GABRA3: variants seen among roughly 807,000 people sequenced by gnomAD.
GABRA3 encodes gamma-aminobutyric acid type A receptor subunit alpha3.
Under a neutral mutation model 30.1 loss-of-function variants are expected in GABRA3, and 10 were observed. The ratio of observed to expected loss-of-function variants is 0.33; its 90% CI spans 0.20 to 0.56. The LOEUF (loss-of-function observed/expected upper bound fraction) is 0.56. Ranked by LOEUF, GABRA3 falls within the 20% of genes least tolerant of loss-of-function variation. GABRA3 has a pLI of 0.89. For synonymous variants in GABRA3, 151 were observed against 146.8 expected (o/e 1.03, Z -0.21); for missense variants, 233 against 392.0 (o/e 0.59, Z 3.42).
intron 7 of GABRA3, among the ~76,000 whole-genome samples, chrX:152,198,618 C>G (rs1253993759): frequency 1.8e-5 from 2 of 112,001 alleles, no homozygotes; most frequent in African/African-American, 3.3e-5. Context: ...CACAGACCCT[C>G]TAGGCCATGA....
chrX:152,225,432 G>GCACGCACACACA (rs1937929989), intron 5 of GABRA3, among the ~76,000 whole-genome samples: 1 of 96,491 alleles, frequency 1.0e-5, no homozygotes, highest in African/African-American at 3.8e-5. Context: ...ACACACACAC[G>GCACGCACACACA]CACACACACA....
chrX:152,263,109 A>C (rs897449117), intron 4 of GABRA3, among the ~76,000 whole-genome samples: 12 of 111,063 alleles, frequency 1.1e-4, no homozygotes, highest in African/African-American at 3.9e-4. Context: ...ACAGCATGAG[A>C]GTAAGCACCC....
At chrX:152,328,929 A>G (rs764443325) in intron 3 of GABRA3, among the ~76,000 whole-genome samples, 1 of 112,028 alleles carries the variant, frequency 8.9e-6, no homozygotes, top group South Asian at 3.7e-4. Flanking sequence ...TGCAGATGAC[A>G]TGATTGTATA....
rs1936953728 is a variant in GABRA3 at position 152,167,719 on chromosome X, C to T, written c.*509G>A. 1 of 116,553 alleles carries T rather than the reference C, an allele frequency of 8.6e-6. No individual in the cohort carries two copies. The allele number at this position is 116,553 out of a possible 1,213,427, so 9.6% of individuals were successfully genotyped here. A position where few individuals can be genotyped will look rare whatever the true frequency, so the allele number is the denominator to read the frequency against. ...TTGGGGGTGTAGAACTGGCTCCCAC[C>T]TTTGCTATCAGTACTTATGCCTAGT... On this transcript the variant is annotated 3_prime_UTR_variant, in exon 10 of 10. Coordinates refer to ENST00000370314, the MANE Select transcript of GABRA3 (RefSeq NM_000808.4).
intron 4 of GABRA3, among the ~76,000 whole-genome samples, chrX:152,272,926 G>A (rs1276820334): frequency 3.6e-5 from 4 of 111,080 alleles, no homozygotes; most frequent in Non-Finnish European, 5.7e-5. Context: ...GTTTCCTGAG[G>A]CTTCCCCAGT....
intron 1 of GABRA3, among the ~76,000 whole-genome samples, chrX:152,415,639 G>A (rs930518468): frequency 9.0e-6 from 1 of 110,744 alleles, no homozygotes; most frequent in Admixed American, 9.7e-5. Context: ...CTTTATTGTT[G>A]CAATATAATA....
intron 1 of GABRA3, among the ~76,000 whole-genome samples, chrX:152,375,179 AGCAAAAAGAACAAAGTTGGAG>A (rs1928961998): frequency 8.9e-6 from 1 of 112,203 alleles, no homozygotes; most frequent in Admixed American, 9.4e-5. Flanking sequence ...GTTAATCCTA[AGCAAAAAGAACAAAGTTGGAG>A]GCATCACACT....
At chrX:152,351,910 G>A (rs1175734201) in intron 2 of GABRA3, among the ~76,000 whole-genome samples, 1 of 111,451 alleles carries the variant, frequency 9.0e-6, no homozygotes, top group Non-Finnish European at 1.9e-5. Flanking sequence ...AGGAGAGGGA[G>A]AGAGACAGGG....
chrX:152,185,745 C>T (rs971796627), intron 9 of GABRA3, among the ~76,000 whole-genome samples: 1 of 112,011 alleles, frequency 8.9e-6, no homozygotes, highest in Non-Finnish European at 1.9e-5. Context: ...AGGGCTTATG[C>T]TCTCACTAGT....
chrX:152,400,396 CT>C (rs1929764905), intron 1 of GABRA3, among the ~76,000 whole-genome samples: 1 of 110,848 alleles, frequency 9.0e-6, no homozygotes, highest in Non-Finnish European at 1.9e-5. Context: ...GTAGTCCCAG[CT>C]ACTTGGAAGG....
chrX:152,333,861 C>T (rs1940196663), intron 3 of GABRA3, among the ~76,000 whole-genome samples: 1 of 111,365 alleles, frequency 9.0e-6, no homozygotes, highest in Non-Finnish European at 1.9e-5. Context: ...CAATATGAAG[C>T]CAACCTGAGT....
intron 3 of GABRA3, among the ~76,000 whole-genome samples, chrX:152,330,618 A>G (rs1450101838): frequency 9.3e-6 from 1 of 107,078 alleles, no homozygotes; most frequent in African/African-American, 3.4e-5. Flanking sequence ...CAAACACCGC[A>G]TGTTCTCACT....
chrX:152,224,139 ACT>A (rs34430372), intron 6 of GABRA3, among the ~76,000 whole-genome samples: 1 of 111,743 alleles, frequency 8.9e-6, no homozygotes, highest in Non-Finnish European at 1.9e-5. Flanking sequence ...TACTCTGATG[ACT>A]CTCTATGTGA....
chrX:152,320,685 T>A (rs1284739796), intron 3 of GABRA3, among the ~76,000 whole-genome samples: 1 of 111,430 alleles, frequency 9.0e-6, no homozygotes, highest in Admixed American at 9.5e-5. Flanking sequence ...CTTACTCATG[T>A]AACAAAATAC....
chrX:152,407,144 A>T (rs1360424285), intron 1 of GABRA3, among the ~76,000 whole-genome samples: 1 of 112,038 alleles, frequency 8.9e-6, no homozygotes, highest in Non-Finnish European at 1.9e-5. Flanking sequence ...AAAGCTACAA[A>T]TAAATAACCT....
chrX:152,330,105 T>C (rs1427537421), intron 3 of GABRA3, among the ~76,000 whole-genome samples: 1 of 111,912 alleles, frequency 8.9e-6, no homozygotes, highest in Non-Finnish European at 1.9e-5. Context: ...AAAATGCTCA[T>C]CATCACTGGC....
chrX:152,414,914 C>T (rs1052921021), intron 1 of GABRA3, among the ~76,000 whole-genome samples: 2 of 106,040 alleles, frequency 1.9e-5, no homozygotes, highest in Middle Eastern at 4.9e-3. Flanking sequence ...GTGAAAGAAG[C>T]CAATCAGAAA....
chrX:152,397,131 A>C (rs760497194), intron 1 of GABRA3, among the ~76,000 whole-genome samples: 18 of 111,887 alleles, frequency 1.6e-4, no homozygotes, highest in Non-Finnish European at 2.6e-4. Context: ...AAAGGCATAC[A>C]ATCTCTGCAG....
At chrX:152,189,612 G>A in intron 9 of GABRA3, 118 bp downstream of exon 9, 1 of 492,215 alleles carries the variant, frequency 2.0e-6, no homozygotes, top group South Asian at 3.6e-5. Context: ...CTGGATTGAT[G>A]ACCCCAGTGC....
Sources: allele counts gnomAD v4.1 joint callset (sites outside exome capture counted in the v4.1 genomes callset), GRCh38; gene constraint gnomAD v4.1.1; transcripts MANE v1.5; gene names NCBI Gene and HGNC (gene_info 2026-07-23, HGNC 2026-07-21).